Variants in SASH1 observed in about 807,000 individuals in gnomAD.
The protein encoded by SASH1 is SAM and SH3 domain containing 1.
A neutral mutation model predicts 125.2 loss-of-function variants in SASH1; 44 were observed. The ratio of observed to expected loss-of-function variants is 0.35; its 90% CI spans 0.28 to 0.45. SASH1 has a LOEUF of 0.45. Among genes scored for constraint, SASH1 ranks in the 20% least tolerant of loss-of-function variants. SASH1 has a pLI of 1.00. For synonymous variants in SASH1, 639 were observed against 649.1 expected (o/e 0.98, Z 0.24); for missense variants, 1,426 against 1,614.5 (o/e 0.88, Z 2.00).
At chr6:148,382,947 T>C (rs1009458859) in intron 1 of SASH1, among the ~76,000 whole-genome samples, 13 of 152,246 alleles carry the variant, frequency 8.5e-5, no homozygotes, top group African/African-American at 3.1e-4. Context: ...TCGTTACACG[T>C]TAAAACTTTT....
At chr6:148,324,175 GAGGGC>G (rs1780736807) in intron 1 of SASH1, among the ~76,000 whole-genome samples, 1 of 149,452 alleles carries the variant, frequency 6.7e-6, no homozygotes, top group African/African-American at 2.5e-5. Context: ...TGGCAAATGG[GAGGGC>G]AGCAGGCTGG....
At chr6:148,367,485 A>G (rs150600994) in intron 1 of SASH1, among the ~76,000 whole-genome samples, 3 of 152,272 alleles carry the variant, frequency 2.0e-5, no homozygotes, top group Admixed American at 1.3e-4. Context: ...AACAAAACAC[A>G]TTGCTCTTGT....
At position 148,448,115 on chromosome 6, in the gene SASH1, A is replaced by AGAGTGTGTGT. The variant is rs374141600; in HGVS notation, c.386+7709_386+7710insAGTGTGTGTG. 6.5e-3 allele frequency among the ~76,000 whole-genome samples: 949 copies of AGAGTGTGTGT among 146,872 alleles called. 8 individuals carry two copies. Among genetic ancestry groups the AGAGTGTGTGT allele is most frequent in the East Asian group, 0.027 (134 of 4,926 alleles). ...CTCCTGCTTCTATTGCAGTGGAGAG[A>AGAGTGTGTGT]GTGTGTGTGTGTGTGTGTGTGTGTA... is the stretch of plus-strand genomic sequence containing the variant. On this transcript the variant is annotated intron_variant, in intron 4 of 19. Coordinates refer to ENST00000367467, the MANE Select transcript of SASH1 (RefSeq NM_015278.5).
intron 4 of SASH1, among the ~76,000 whole-genome samples, chr6:148,457,980 C>T (rs967134509): frequency 6.6e-6 from 1 of 152,192 alleles, no homozygotes; most frequent in African/African-American, 2.4e-5. Context: ...CCAGGTCTCA[C>T]CCCTGTTGGC....
chr6:148,343,025 G>A lies in SASH1; in HGVS notation c.-43G>A. On this transcript the variant is annotated 5_prime_UTR_variant, in exon 1 of 20. Transcript: ENST00000367467. ...CTGCGCGCGGGTGCGGGGCGAGGGCGCCGCGGGGACTGGGACGCACGGCCC... is the reference window on the plus strand; with the variant it reads ...CTGCGCGCGGGTGCGGGGCGAGGGCACCGCGGGGACTGGGACGCACGGCCC... 1 of 1,169,694 alleles carries A rather than the reference G, an allele frequency of 8.5e-7. No individual in the cohort carries two copies. 72.5% of individuals were successfully genotyped at this position (1,169,694 alleles called of 1,614,324 possible).
At chr6:148,351,184 G>A (rs1042422046) in intron 1 of SASH1, among the ~76,000 whole-genome samples, 10 of 135,684 alleles carry the variant, frequency 7.4e-5, no homozygotes, top group African/African-American at 2.6e-4. Flanking sequence ...TCCTTTCTGC[G>A]ATAGTAGTTT....
Position 148,549,494 on chromosome 6 carries a change from C to T in SASH1, c.*936C>T, listed in dbSNP as rs1440529050. The stretch of plus-strand genomic sequence containing the variant: ...TTAGTATCGTTACTGTGTGGATCGT[C>T]GCGCTGCAGTATTGACTTGGAATCC... On this transcript the variant is annotated 3_prime_UTR_variant, in exon 20 of 20. Transcript: ENST00000367467. 1.5e-5 allele frequency: 6 copies of T among 396,364 alleles called. No individual in the cohort carries two copies. The highest frequency in any genetic ancestry group is 4.4e-5 in the Admixed American group (1 of 22,576). 24.6% of individuals were successfully genotyped at this position (396,364 alleles called of 1,614,324 possible).
intron 9 of SASH1, among the ~76,000 whole-genome samples, chr6:148,517,194 A>G (rs531142990): frequency 6.6e-6 from 1 of 152,342 alleles, no homozygotes; most frequent in South Asian, 2.1e-4. Flanking sequence ...TATTATGGAA[A>G]GATAGGTAGG....
At chr6:148,336,929 G>A (rs1447476284) in intron 1 of SASH1, among the ~76,000 whole-genome samples, 3 of 152,104 alleles carry the variant, frequency 2.0e-5, no homozygotes, top group East Asian at 1.9e-4. Flanking sequence ...CCTGCCCAGC[G>A]GAAAACTAAT....
the SASH1 span, among the ~76,000 whole-genome samples, chr6:148,215,162 C>T: frequency 0.032 from 4,862 of 152,280 alleles, 120 homozygotes; most frequent in South Asian, 0.062. Flanking sequence ...CCTGGACAGG[C>T]TCCCTGTGAG....
chr6:148,452,458 A>G (rs7746540), intron 4 of SASH1, among the ~76,000 whole-genome samples: 84,616 of 152,038 alleles, frequency 0.56, 23,728 homozygotes, highest in Middle Eastern at 0.62. Context: ...GCACCGATCA[A>G]TTTAGCTTGG....
At chr6:148,404,493 G>GA (rs1468993111) in intron 2 of SASH1, among the ~76,000 whole-genome samples, 94 of 150,594 alleles carry the variant, frequency 6.2e-4, no homozygotes, top group African/African-American at 1.9e-3. Context: ...CGGTACAATA[G>GA]AAAAAAAAAT....
At chr6:148,446,088 CTTTTTTTTTTTTTTTTTTTTTTTTTTTT>C (rs576798745) in intron 4 of SASH1, among the ~76,000 whole-genome samples, 15 of 71,012 alleles carry the variant, frequency 2.1e-4, no homozygotes, top group African/African-American at 6.9e-4. Context: ...ACATAGGGTT[CTTTTTTTTTTTTTTTTTTTTTTTTTTTT>C]TTTTTTTTTT....
chr6:148,203,296 G>T, the SASH1 span, among the ~76,000 whole-genome samples: 1 of 152,172 alleles, frequency 6.6e-6, no homozygotes, highest in East Asian at 1.9e-4. Context: ...GAATTCTGGG[G>T]TGGAGGGACA....
At chr6:148,504,695 G>T (rs555865114) in intron 8 of SASH1, among the ~76,000 whole-genome samples, 2 of 151,090 alleles carry the variant, frequency 1.3e-5, no homozygotes, top group African/African-American at 4.9e-5. Context: ...CACAGTGATC[G>T]CACCAGTATT....
intron 2 of SASH1, among the ~76,000 whole-genome samples, chr6:148,402,605 G>A (rs952947389): frequency 7.7e-5 from 11 of 142,728 alleles, no homozygotes; most frequent in Admixed American, 4.3e-4. Context: ...CACTGCGACC[G>A]GCCAAAAATG....
Position 148,519,560 on chromosome 6 carries a change from C to T in SASH1, c.876C>T (p.His292=), listed in dbSNP as rs140767029. The T allele has an allele frequency of 1.1e-4, 173 of 1,613,452 alleles. No homozygotes were observed. In the East Asian group the frequency reaches 1.5e-3, roughly 14 times the overall value. ...KKPSTEGGEE[H]VFENSPVLDE... is the part of the protein sequence containing the mutation. ...GTTTCCCTCCAGGTGGGGAGGAGCA[C>T]GTGTTTGAGAATTCGCCGGTCCTGG... The change falls in exon 10 of 20, where the codon CAC becomes CAT. Residue 292 remains histidine (H), a synonymous_variant. Transcript: ENST00000367467. This position sits in a 1 kb window ranked among gnomAD's most constrained non-coding sequence, Gnocchi z 4.8.
At chr6:148,250,113 A>C in the SASH1 span, among the ~76,000 whole-genome samples, 1 of 152,196 alleles carries the variant, frequency 6.6e-6, no homozygotes, top group Non-Finnish European at 1.5e-5. Context: ...TAGCATTGCC[A>C]GTCACTTACA....
intron 19 of SASH1, among the ~76,000 whole-genome samples, chr6:148,546,832 C>T (rs1042781148): frequency 6.6e-6 from 1 of 151,858 alleles, no homozygotes; most frequent in Admixed American, 6.6e-5. Flanking sequence ...TGTATAGTAC[C>T]GAAACCTGAT....
Sources: gnomAD v4.1 joint callset for allele counts (sites outside exome capture counted in the v4.1 genomes callset) on GRCh38, gnomAD v4.1.1 for gene constraint, Gnocchi (gnomAD v3.1) non-coding constraint, MANE v1.5 for transcripts, NCBI Gene and HGNC (gene_info 2026-07-23, HGNC 2026-07-21) for gene names.